The following SPATS2L variants were observed in gnomAD, a reference collection of about 807,000 sequenced individuals.
SPATS2L encodes SPATS2-like protein.
In SPATS2L, 30 loss-of-function variants were observed where a neutral mutation model predicts 59.6. The ratio of observed to expected loss-of-function variants is 0.50; its 90% CI spans 0.38 to 0.68. SPATS2L has a LOEUF of 0.68. Among genes scored for constraint, SPATS2L ranks in the 30% least tolerant of loss-of-function variants. The probability of loss-of-function intolerance (pLI) is 0.00; values close to 1 mark genes in which losing one functional copy is unlikely to be tolerated. For synonymous variants in SPATS2L, 252 were observed against 263.5 expected (o/e 0.96, Z 0.42); for missense variants, 615 against 700.0 (o/e 0.88, Z 1.37).
At chr2:200,338,315 G>A (rs896727702) in intron 2 of SPATS2L, among the ~76,000 whole-genome samples, 4 of 152,142 alleles carry the variant, frequency 2.6e-5, no homozygotes, top group South Asian at 2.1e-4. Context: ...GTGAGCCACC[G>A]TGCCCAGCCC....
chr2:200,443,394 T>C (rs1561296), intron 8 of SPATS2L, among the ~76,000 whole-genome samples: 65,880 of 152,048 alleles, frequency 0.43, 16,024 homozygotes, highest in Non-Finnish European at 0.54. Flanking sequence ...TATAGGTGTG[T>C]TAGAATGTAC....
chr2:200,453,080 G>A (rs983039291), intron 8 of SPATS2L, among the ~76,000 whole-genome samples: 4 of 152,150 alleles, frequency 2.6e-5, no homozygotes, highest in Non-Finnish European at 5.9e-5. Context: ...CAGTGGAAGT[G>A]GAGAGGTGCA....
chr2:200,369,257 C>G (rs1161222872), intron 2 of SPATS2L, among the ~76,000 whole-genome samples: 6 of 152,166 alleles, frequency 3.9e-5, no homozygotes, highest in Non-Finnish European at 8.8e-5. Flanking sequence ...CTCCCAGATT[C>G]AGGCAATTCT....
chr2:200,317,578 G>A (rs2079421666), intron 1 of SPATS2L, among the ~76,000 whole-genome samples: 1 of 152,168 alleles, frequency 6.6e-6, no homozygotes, highest in African/African-American at 2.4e-5. Flanking sequence ...CCAGCCAAGG[G>A]TGACAAAGGA....
At chr2:200,326,927 A>G (rs1424094951) in intron 1 of SPATS2L, among the ~76,000 whole-genome samples, 4 of 40,140 alleles carry the variant, frequency 1.0e-4, no homozygotes, top group African/African-American at 1.5e-4. Context: ...TTTTTTTTTT[A>G]GCAGAGTTGG....
chr2:200,385,269 C>A (rs1262608337), intron 2 of SPATS2L, among the ~76,000 whole-genome samples: 1 of 152,212 alleles, frequency 6.6e-6, no homozygotes, highest in African/African-American at 2.4e-5. Flanking sequence ...CTTGGGCTTA[C>A]CTAGAAGTCT....
chr2:200,417,145 A>T (rs1463627438), intron 5 of SPATS2L, among the ~76,000 whole-genome samples: 1 of 152,196 alleles, frequency 6.6e-6, no homozygotes, highest in Non-Finnish European at 1.5e-5. Flanking sequence ...GCTATGACAC[A>T]GCAAGGCCTT....
intron 3 of SPATS2L, among the ~76,000 whole-genome samples, chr2:200,400,935 A>G (rs1047282788): frequency 1.3e-5 from 2 of 152,230 alleles, no homozygotes; most frequent in East Asian, 3.8e-4. Flanking sequence ...TTTTTCAAAG[A>G]GACAACAATA....
At chr2:200,378,106 T>C (rs1243568724) in intron 2 of SPATS2L, 1 of 389,660 alleles carries the variant, frequency 2.6e-6, no homozygotes. Context: ...AGGGAACAAG[T>C]AGTCTCTCTG....
At chr2:200,435,470 G>A (rs2084218585) in intron 6 of SPATS2L, among the ~76,000 whole-genome samples, 1 of 152,042 alleles carries the variant, frequency 6.6e-6, no homozygotes, top group Non-Finnish European at 1.5e-5. Context: ...AATATTTGAT[G>A]AATATTAGAT....
intron 2 of SPATS2L, among the ~76,000 whole-genome samples, chr2:200,358,150 T>C (rs537819167): frequency 6.6e-6 from 1 of 152,372 alleles, no homozygotes; most frequent in Admixed American, 6.5e-5. Flanking sequence ...GATGGCAGAT[T>C]ATTTTCTGCA....
chr2:200,474,267 G>A (rs1232596815), intron 12 of SPATS2L, among the ~76,000 whole-genome samples: 1 of 151,940 alleles, frequency 6.6e-6, no homozygotes, highest in East Asian at 1.9e-4. Flanking sequence ...CAAGGAGCAT[G>A]TTATAATCTC....
At chr2:200,465,391 CA>C (rs2086520986) in intron 9 of SPATS2L, among the ~76,000 whole-genome samples, 1 of 152,198 alleles carries the variant, frequency 6.6e-6, no homozygotes, top group Non-Finnish European at 1.5e-5. Context: ...ATGTGTGGAC[CA>C]AACAAGACAT....
Position 200,472,892 on chromosome 2 carries a change from T to C in SPATS2L, c.1121T>C (p.Leu374Pro). Residue 374 changes from leucine to proline, a missense_variant, in exon 12 of 13, where the codon CTG becomes CCG. Physicochemically the swap from Leu to Pro is moderately conservative, Grantham distance 98. Around this residue, in one of 3 missense-constraint regions of SPATS2L, gnomAD observed 284 missense variants for 280.1 expected, o/e 1.01. Coordinates refer to ENST00000409140, the MANE Select transcript of SPATS2L (RefSeq NM_001100423.2). ...RTPCSSLLPL[L>P]NAHAATSGKQ... ...CCCTGCAGCTCCCTGCTGCCTCTGC[T>C]GAATGCGCACGCAGCAACCTCTGGG... is the stretch of plus-strand genomic sequence containing the variant. 6.2e-7 allele frequency: 1 copy of C among 1,613,940 alleles called. No homozygotes were observed. Among genetic ancestry groups the C allele is most frequent in the Admixed American group, 1.7e-5 (1 of 60,018 alleles).
intron 11 of SPATS2L, among the ~76,000 whole-genome samples, chr2:200,470,456 C>T (rs1039884182): frequency 1.1e-4 from 16 of 152,188 alleles, no homozygotes; most frequent in African/African-American, 2.9e-4. Context: ...CCTCCACCCT[C>T]GGTTCTCTGT....
At chr2:200,320,467 C>CTT (rs1352071849) in intron 1 of SPATS2L, among the ~76,000 whole-genome samples, 1 of 152,146 alleles carries the variant, frequency 6.6e-6, no homozygotes, top group African/African-American at 2.4e-5. Context: ...AATCATTACT[C>CTT]TTAAAGAGAA....
At chr2:200,352,784 A>G (rs1385959292) in intron 2 of SPATS2L, among the ~76,000 whole-genome samples, 2 of 152,210 alleles carry the variant, frequency 1.3e-5, no homozygotes, top group African/African-American at 4.8e-5. Flanking sequence ...TGAAGGGGTA[A>G]TGAATTCCTC....
rs536138876 is a variant in SPATS2L at position 200,465,936 on chromosome 2, G to T, written c.848-1354G>T. On this transcript the variant is annotated intron_variant, in intron 9 of 12. Coordinates refer to ENST00000409140, the MANE Select transcript of SPATS2L (RefSeq NM_001100423.2). ...AGTCCCAGCTACCCAGGAGGCTGAC[G>T]CAGGAGAATGGTGTGAACCCGGGAG... Among the ~76,000 whole-genome samples, 5 of 152,304 alleles carry T rather than the reference G, an allele frequency of 3.3e-5. No homozygotes were observed. In the South Asian group the frequency reaches 1.0e-3, roughly 32 times the overall value.
intron 3 of SPATS2L, among the ~76,000 whole-genome samples, chr2:200,395,923 A>T (rs1476637492): frequency 6.8e-6 from 1 of 147,748 alleles, no homozygotes; most frequent in East Asian, 2.1e-4. Flanking sequence ...AGGCAGGAGA[A>T]TCTCTTGAAC....
Sources: allele counts gnomAD v4.1 joint callset (sites outside exome capture counted in the v4.1 genomes callset), GRCh38; gene constraint gnomAD v4.1.1; regional missense constraint gnomAD v4.1.1; transcripts MANE v1.5; gene names NCBI Gene and HGNC (gene_info 2026-07-23, HGNC 2026-07-21).